The following FBXL17 variants were observed in gnomAD, a reference collection of about 807,000 sequenced individuals.
FBXL17 encodes F-box/LRR-repeat protein 17.
Under a neutral mutation model 66.2 loss-of-function variants are expected in FBXL17, and 22 were observed. The ratio of observed to expected loss-of-function variants is 0.33; its 90% CI spans 0.24 to 0.47. The LOEUF (loss-of-function observed/expected upper bound fraction) is 0.47, where lower values mean the gene tolerates loss of function less well. FBXL17 is among the 20% of genes least tolerant of loss of function. The probability of loss-of-function intolerance (pLI) is 1.00; values close to 1 mark genes in which losing one functional copy is unlikely to be tolerated. For missense variants in FBXL17, 878 were observed against 948.2 expected (o/e 0.93, Z 0.97); for synonymous variants, 474 against 400.5 (o/e 1.18, Z -2.19).
At chr5:108,219,168 A>G (rs1359894636) in intron 5 of FBXL17, among the ~76,000 whole-genome samples, 1 of 152,212 alleles carries the variant, frequency 6.6e-6, no homozygotes, top group Non-Finnish European at 1.5e-5. Context: ...TCTTTTCTAG[A>G]AGACTTGTGT....
At chr5:108,199,705 C>G (rs977490028) in intron 5 of FBXL17, among the ~76,000 whole-genome samples, 1 of 151,960 alleles carries the variant, frequency 6.6e-6, no homozygotes, top group African/African-American at 2.4e-5. Flanking sequence ...CCAATATTCT[C>G]TTAAAGAAAA....
chr5:107,905,580 C>T (rs1749726274), intron 7 of FBXL17, among the ~76,000 whole-genome samples: 1 of 152,122 alleles, frequency 6.6e-6, no homozygotes, highest in African/African-American at 2.4e-5. Flanking sequence ...ACATCAAATA[C>T]ACTCAATTAC....
chr5:108,182,341 A>C (rs1241243399), intron 6 of FBXL17, among the ~76,000 whole-genome samples: 1 of 152,178 alleles, frequency 6.6e-6, no homozygotes, highest in Non-Finnish European at 1.5e-5. Context: ...CTGAAATTAT[A>C]ATTAAGTCTG....
At chr5:108,218,016 C>CTTTTTTTTTTTTT (rs752575685) in intron 5 of FBXL17, among the ~76,000 whole-genome samples, 3 of 120,128 alleles carry the variant, frequency 2.5e-5, no homozygotes, top group Non-Finnish European at 5.1e-5. Context: ...AATTTTTTTT[C>CTTTTTTTTTTTTT]TTTTTTTTTT....
intron 7 of FBXL17, among the ~76,000 whole-genome samples, chr5:107,918,080 C>T (rs565625573): frequency 6.6e-6 from 1 of 152,316 alleles, no homozygotes; most frequent in South Asian, 2.1e-4. Context: ...CATGTCCCCT[C>T]ATTCCTTGCT....
At chr5:108,039,188 C>G (rs1044444443) in intron 6 of FBXL17, among the ~76,000 whole-genome samples, 3 of 151,802 alleles carry the variant, frequency 2.0e-5, no homozygotes, top group Non-Finnish European at 4.4e-5. Context: ...AAGATTATTT[C>G]TATTTTAAAA....
At chr5:108,318,326 C>T (rs529020773) in intron 4 of FBXL17, among the ~76,000 whole-genome samples, 2 of 151,776 alleles carry the variant, frequency 1.3e-5, no homozygotes, top group East Asian at 1.9e-4. Flanking sequence ...CAGTAAGATA[C>T]ACAGATAAGT....
At chr5:107,953,402 CAAAAAAAAAAAAA>C (rs1166788701) in intron 7 of FBXL17, among the ~76,000 whole-genome samples, 1 of 50,602 alleles carries the variant, frequency 2.0e-5, no homozygotes, top group South Asian at 7.7e-4. Context: ...GACTCTCTCT[CAAAAAAAAAAAAA>C]AAAAAAAAAG....
At chr5:108,211,636 G>A (rs1233013137) in intron 5 of FBXL17, among the ~76,000 whole-genome samples, 1 of 152,182 alleles carries the variant, frequency 6.6e-6, no homozygotes, top group African/African-American at 2.4e-5. Context: ...TTTTCTTTAA[G>A]AATGTTGAAT....
At chr5:107,930,153 G>A (rs1401743338) in intron 7 of FBXL17, among the ~76,000 whole-genome samples, 44 of 152,104 alleles carry the variant, frequency 2.9e-4, no homozygotes, top group Non-Finnish European at 7.4e-5. Flanking sequence ...ACCCTTCAAC[G>A]GCTTCCTGTT....
chr5:107,971,984 C>G (rs1037803440), intron 7 of FBXL17, among the ~76,000 whole-genome samples: 1 of 152,356 alleles, frequency 6.6e-6, no homozygotes, highest in East Asian at 1.9e-4. Context: ...TACTCATTCA[C>G]TAGATTGTGA....
chr5:108,299,529 T>C lies in FBXL17; in HGVS notation c.1506+48870A>G, dbSNP rs574396282. 8 of 955,422 alleles carry C rather than the reference T, an allele frequency of 8.4e-6. No homozygotes were observed. In the South Asian group the frequency reaches 1.5e-4, roughly 17 times the overall value. The allele number at this position is 955,422 out of a possible 1,614,324, so 59.2% of individuals were successfully genotyped here. ...AAGAAAACAGGAGGGCTAATTTCTA[T>C]ATAATCCTTCAATTTTAGATAAAGA... On this transcript the variant is annotated intron_variant, in intron 4 of 8. Transcript: ENST00000542267.
chr5:107,866,943 G>A (rs910742343), intron 8 of FBXL17, among the ~76,000 whole-genome samples: 2 of 152,128 alleles, frequency 1.3e-5, no homozygotes, highest in African/African-American at 4.8e-5. Flanking sequence ...ATTCTTGCTG[G>A]TTTTGTTCAC....
rs1749725278 is a variant in FBXL17, at chr5:107,905,557, G to T, written c.1823-24378C>A. Among the ~76,000 whole-genome samples the T allele has an allele frequency of 2.6e-5, 4 of 152,210 alleles. No individual in the cohort carries two copies. The South Asian group carries it at 8.3e-4, about 32-fold the overall frequency. ...ATACTGAGTATATATTGTGAAAAAT[G>T]ACTCTTCAAAATACATCAAATACAC... On this transcript the variant is annotated intron_variant, in intron 7 of 8. Coordinates refer to ENST00000542267, the MANE Select transcript of FBXL17 (RefSeq NM_001163315.3).
At chr5:108,022,235 T>C (rs561065547) in intron 6 of FBXL17, among the ~76,000 whole-genome samples, 1 of 152,076 alleles carries the variant, frequency 6.6e-6, no homozygotes, top group Admixed American at 6.6e-5. Flanking sequence ...GGATAAACTT[T>C]TCCATGTCTA....
At chr5:108,099,575 C>T (rs1300584136) in intron 6 of FBXL17, among the ~76,000 whole-genome samples, 1 of 152,104 alleles carries the variant, frequency 6.6e-6, no homozygotes, top group Non-Finnish European at 1.5e-5. Context: ...AGAGAAGGGA[C>T]TAGGAAGATG....
At chr5:107,908,514 G>A (rs911564814) in intron 7 of FBXL17, among the ~76,000 whole-genome samples, 5 of 152,106 alleles carry the variant, frequency 3.3e-5, no homozygotes, top group African/African-American at 4.8e-5. Context: ...CTGAGAAAAC[G>A]ACATACATAA....
In FBXL17 at chr5:108,186,220, G is replaced by T; in HGVS notation, c.1642C>A (p.Arg548Ser). 6.2e-7 allele frequency: 1 copy of T among 1,612,608 alleles called. No individual in the cohort carries two copies. Among genetic ancestry groups the T allele is most frequent in the Non-Finnish European group, 8.5e-7 (1 of 1,179,040 alleles). The change falls in exon 6 of 9, where the codon CGT becomes AGT. Residue 548 changes from arginine to serine, a missense_variant. Physicochemically the swap from Arg to Ser is moderately radical, Grantham distance 110 (BLOSUM62 -1). This residue lies in a region of FBXL17 where 236 missense variants were observed against 389.1 expected (regional missense o/e 0.61). Transcript: ENST00000542267. ...KLRNLSSLDL[R>S]HITELDNETV... ...TCATTATCCAGTTCAGTGATATGAC[G>T]TAGGTCCAAGCTGGAAAGGTTTCTT...
chr5:108,311,312 C>G (rs984573688), intron 4 of FBXL17, among the ~76,000 whole-genome samples: 2 of 152,054 alleles, frequency 1.3e-5, no homozygotes, highest in Non-Finnish European at 2.9e-5. Flanking sequence ...GCTGAGATTA[C>G]AGGCGCCTGC....
Sources: allele counts gnomAD v4.1 joint callset (sites outside exome capture counted in the v4.1 genomes callset), GRCh38; gene constraint gnomAD v4.1.1; regional missense constraint gnomAD v4.1.1; transcripts MANE v1.5; gene names NCBI Gene and HGNC (gene_info 2026-07-23, HGNC 2026-07-21).